SPG7: variants seen among roughly 807,000 people sequenced by gnomAD.
SPG7 encodes the protein mitochondrial inner membrane m-AAA protease component paraplegin.
A neutral mutation model predicts 81.9 loss-of-function variants in SPG7; 103 were observed. The observed-to-expected ratio is 1.26, with a 90% confidence interval of 1.07 to 1.48. SPG7 has a LOEUF of 1.48. SPG7 is among the 40% of genes most tolerant of loss of function. The pLI is 0.00. For synonymous variants in SPG7, 534 were observed against 444.2 expected (o/e 1.20, Z -2.54); for missense variants, 1,241 against 1,087.3 (o/e 1.14, Z -1.99).
chr16:89,513,072 C>T (rs751049254), intron 3 of SPG7, 35 bp downstream of exon 3: 1 of 1,571,258 alleles, frequency 6.4e-7, no homozygotes, highest in South Asian at 1.1e-5. Context: ...TCAGTAGCTG[C>T]CTCTGGATGT....
chr16:89,550,939 C>G (rs190102472), intron 13 of SPG7, among the ~76,000 whole-genome samples: 222 of 152,290 alleles, frequency 1.5e-3, no homozygotes, highest in African/African-American at 5.1e-3. Context: ...CCAAATGACT[C>G]CTAACATTGG....
intron 9 of SPG7, among the ~76,000 whole-genome samples, chr16:89,535,181 C>T (rs1013042923): frequency 9.2e-5 from 14 of 152,210 alleles, no homozygotes; most frequent in African/African-American, 3.1e-4. Flanking sequence ...TTGAGGTTTA[C>T]AGTGTCGCTG....
At chr16:89,546,886 G>C (rs1056690175) in intron 11 of SPG7, 126 bp downstream of exon 11, 1 of 723,946 alleles carries the variant, frequency 1.4e-6, no homozygotes, top group Non-Finnish European at 2.5e-6. Flanking sequence ...CCTCTGCTCA[G>C]TACAAGCCTG....
chr16:89,509,131 G>C (rs1302360421), intron 1 of SPG7: 3 of 372,668 alleles, frequency 8.1e-6, no homozygotes, highest in Non-Finnish European at 1.6e-5. Context: ...CTTGTTTCAG[G>C]TTCTGCTAAG....
chr16:89,530,756 C>T lies in SPG7; in HGVS notation c.935C>T (p.Ala312Val). The change falls in exon 7 of 17, where the codon GCA becomes GTA. Residue 312 changes from alanine (A) to valine (V), a missense_variant. Coordinates refer to ENST00000645818, the MANE Select transcript of SPG7 (RefSeq NM_003119.4). ...AAAGGAGTCAGCTTCAAAGACGTGGCAGGAATGCACGAAGCCAAACTGGAA... is the reference window on the plus strand; with the variant it reads ...AAAGGAGTCAGCTTCAAAGACGTGGTAGGAATGCACGAAGCCAAACTGGAA... Reference protein sequence around the residue: ...MGKGVSFKDVAGMHEAKLEVR... With the variant: ...MGKGVSFKDVVGMHEAKLEVR... 1.2e-6 allele frequency: 2 copies of T among 1,614,146 alleles called. No homozygotes were observed. The highest frequency in any genetic ancestry group is 1.7e-6 in the Non-Finnish European group (2 of 1,180,038).
chr16:89,543,959 T>C (rs2152408891), intron 9 of SPG7: 1 of 155,132 alleles, frequency 6.4e-6, no homozygotes, highest in South Asian at 2.0e-4. Context: ...CTGGATTCTT[T>C]TAAAGCAAAC....
At chr16:89,551,111 G>A (rs912353397) in intron 13 of SPG7, 23 of 216,390 alleles carry the variant, frequency 1.1e-4, no homozygotes, top group Admixed American at 7.2e-4. Flanking sequence ...CTGTGAACTC[G>A]ATGGACATTT....
At position 89,532,624 on chromosome 16, in the gene SPG7, G is replaced by A. The variant is rs749207112; in HGVS notation, c.1312G>A (p.Val438Ile). The change falls in exon 9 of 17, where the codon GTA becomes ATA. Residue 438 changes from valine to isoleucine, a missense_variant. By Grantham distance (29) the Val-to-Ile change is conservative. Transcript: ENST00000645818. ...GGAGCAGACGCTCAACCAGCTTCTG[G>A]TAGAAATGGATGGTCAGTGCTCGTG... The part of the protein sequence containing the change: ...EEEQTLNQLL[V>I]EMDGMGTTDH... 6.2e-7 allele frequency: 1 copy of A among 1,613,524 alleles called. No homozygotes were observed. The highest frequency in any genetic ancestry group is 1.3e-5 in the African/African-American group (1 of 74,946).
chr16:89,548,041 C>A lies in SPG7; in HGVS notation c.1591C>A (p.His531Asn). The A allele has an allele frequency of 6.2e-7, 1 of 1,612,314 alleles. No homozygotes were observed. The highest frequency in any genetic ancestry group is 8.5e-7 in the Non-Finnish European group (1 of 1,179,968). Residue 531 changes from histidine (H) to asparagine (N), a missense_variant, in exon 12 of 17, where the codon CAC (histidine) becomes AAC (asparagine). Transcript: ENST00000645818. ...IANICNEAAL[H>N]AAREGHTSVH... ...CAACATCTGCAATGAGGCTGCGCTG[C>A]ACGCGGCGCGGGAGGGACACACTTC... is the stretch of plus-strand genomic sequence containing the variant.
intron 15 of SPG7, 51 bp from the exon 16 acceptor site, chr16:89,554,435 C>A: frequency 7.7e-7 from 1 of 1,291,004 alleles, no homozygotes; most frequent in Non-Finnish European, 1.1e-6. Context: ...TGCTTTGGTG[C>A]TGGAGCCAGG....
At position 89,536,752 on chromosome 16, in the gene SPG7, C is replaced by G; in HGVS notation, c.1324+4116C>G. The G allele has an allele frequency of 6.2e-7, 1 of 1,613,656 alleles. No homozygotes were observed. Among genetic ancestry groups the G allele is most frequent in the Non-Finnish European group, 8.5e-7 (1 of 1,180,006 alleles). On this transcript the variant is annotated intron_variant, in intron 9 of 16. Coordinates refer to ENST00000645818, the MANE Select transcript of SPG7 (RefSeq NM_003119.4). ...CTTCGTCCTGTGAGTCTGCGGCCTT[C>G]TTCTCCAACCAGGTGCCTCTCTTGA... is the stretch of plus-strand genomic sequence containing the variant.
intron 11 of SPG7, chr16:89,547,534 C>A: frequency 4.5e-6 from 1 of 221,994 alleles, no homozygotes; most frequent in Non-Finnish European, 9.1e-6. Context: ...GGCGCCAGCT[C>A]CCCGTGCCTC....
At chr16:89,529,987 G>A (rs979524117) in intron 6 of SPG7, 14 of 311,930 alleles carry the variant, frequency 4.5e-5, no homozygotes, top group East Asian at 2.5e-4. Flanking sequence ...TTACAGGCAC[G>A]CGCCACCACG....
intron 9 of SPG7, chr16:89,536,650 CGAGGCAGGCGAGGCGGGT>C: frequency 2.4e-6 from 3 of 1,256,292 alleles, no homozygotes; most frequent in East Asian, 2.4e-5. Flanking sequence ...GCGAGGTGGG[CGAGGCAGGCGAGGCGGGT>C]GAGATCGGGC....
rs772031341 is a variant in SPG7, at chr16:89,510,553, C to G, written c.247C>G (p.His83Asp). ...EGINGLLLKQHLVQNPVRLWQ... is the reference protein window; with the variant it reads ...EGINGLLLKQDLVQNPVRLWQ... Reference sequence around the variant, plus strand: ...GATCAACGGATTGTTGTTGAAACAACATTTAGTTCAGAATCCAGTCAGACT... The same window carrying G: ...GATCAACGGATTGTTGTTGAAACAAGATTTAGTTCAGAATCCAGTCAGACT... The change falls in exon 2 of 17, where the codon CAT becomes GAT. Residue 83 changes from histidine to aspartate, a missense_variant. By Grantham distance (81) the His-to-Asp change is moderately conservative. Transcript: ENST00000645818. 2 of 1,607,108 alleles carry G rather than the reference C, an allele frequency of 1.2e-6. No homozygotes were observed. The highest frequency in any genetic ancestry group is 3.4e-5 in the Admixed American group (2 of 59,660).
At chr16:89,516,360 G>T in intron 3 of SPG7, among the ~76,000 whole-genome samples, 1 of 151,786 alleles carries the variant, frequency 6.6e-6, no homozygotes. Context: ...TGGCTAACAT[G>T]GTGAAACCCC....
Position 89,532,507 on chromosome 16 carries a change from G to T in SPG7, c.1195G>T (p.Ala399Ser), listed in dbSNP as rs2058358461. Reference protein sequence around the residue: ...RVRSLFKEARARAPCIVYIDE... With the variant: ...RVRSLFKEARSRAPCIVYIDE... ...GCGGAGCCTCTTTAAGGAAGCCCGA[G>T]CCCGGGCCCCCTGCATCGTCTACAT... is the stretch of plus-strand genomic sequence containing the variant. Residue 399 changes from alanine to serine, a missense_variant, in exon 9 of 17, where the codon GCC (alanine) becomes TCC (serine). Coordinates refer to ENST00000645818, the MANE Select transcript of SPG7 (RefSeq NM_003119.4). The T allele has an allele frequency of 6.2e-7, 1 of 1,613,496 alleles. No individual in the cohort carries two copies. Among genetic ancestry groups the T allele is most frequent in the African/African-American group, 1.3e-5 (1 of 74,920 alleles).
rs2152411070 is a variant in SPG7, at chr16:89,550,532, CAG to C, written c.1704_1705del (p.Lys569SerfsTer6). ...KKSKILSKEE[Q>X]KVVAFHESGH... Reference sequence around the variant, plus strand: ...GAGCAAGATCCTGTCCAAGGAAGAACAGAAAGTGGTTGCGTTTCATGAGTCGG... The same window carrying C: ...GAGCAAGATCCTGTCCAAGGAAGAACAAAGTGGTTGCGTTTCATGAGTCGG... On this transcript the variant is annotated frameshift_variant, in exon 13 of 17. Transcript: ENST00000645818. LOFTEE classifies it high-confidence loss of function. The C allele has an allele frequency of 1.2e-6, 2 of 1,614,040 alleles. No homozygotes were observed. The highest frequency in any genetic ancestry group is 4.5e-5 in the East Asian group (2 of 44,888).
intron 5 of SPG7, 30 bp downstream of exon 5, chr16:89,526,498 A>G: frequency 6.2e-7 from 1 of 1,613,660 alleles, no homozygotes; most frequent in East Asian, 2.2e-5. Context: ...TGATGCTTGA[A>G]CTAAACCTAA....
Sources: allele counts gnomAD v4.1 joint callset (sites outside exome capture counted in the v4.1 genomes callset), GRCh38; gene constraint gnomAD v4.1.1; transcripts MANE v1.5; gene names NCBI Gene and HGNC (gene_info 2026-07-23, HGNC 2026-07-21).